ADAMTS12: variants seen among roughly 807,000 people sequenced by gnomAD.
The protein encoded by ADAMTS12 is ADAM metallopeptidase with thrombospondin type 1 motif 12.
Under a neutral mutation model 167.8 loss-of-function variants are expected in ADAMTS12, and 118 were observed. The ratio of observed to expected loss-of-function variants is 0.70; its 90% confidence interval spans 0.61 to 0.82. The LOEUF (loss-of-function observed/expected upper bound fraction) is 0.82. Among genes scored for constraint, ADAMTS12 ranks in the 40% least tolerant of loss-of-function variants. The pLI, the probability that ADAMTS12 is intolerant of heterozygous loss-of-function variation, is 0.00. For synonymous variants in ADAMTS12, 704 were observed against 716.9 expected (o/e 0.98, Z 0.29); for missense variants, 1,916 against 1,998.8 (o/e 0.96, Z 0.79).
intron 17 of ADAMTS12, among the ~76,000 whole-genome samples, chr5:33,589,756 C>T (rs1747545639): frequency 6.6e-6 from 1 of 152,162 alleles, no homozygotes; most frequent in African/African-American, 2.4e-5. Context: ...GAAAATAGTA[C>T]ACTGGGGGAA....
At chr5:33,561,227 C>T (rs1745737774) in intron 19 of ADAMTS12, 48 bp from the exon 20 acceptor site, 12 of 1,592,552 alleles carry the variant, frequency 7.5e-6, no homozygotes, top group Non-Finnish European at 9.4e-6. Flanking sequence ...GTCACCTTCT[C>T]ACACATGCCC....
chr5:33,891,905 C>T lies in ADAMTS12; in HGVS notation c.-49G>A. 1 of 1,596,228 alleles carries T rather than the reference C, an allele frequency of 6.3e-7. No homozygotes were observed. Among genetic ancestry groups the T allele is most frequent in the Non-Finnish European group, 8.5e-7 (1 of 1,171,910 alleles). ...AAGTCAAAAAAGTTTTAGCCCTCAG[C>T]TCCAGAAATAAAGCGCTCGCCTGTG... On this transcript the variant is annotated 5_prime_UTR_variant, in exon 1 of 24. Coordinates refer to ENST00000504830, the MANE Select transcript of ADAMTS12 (RefSeq NM_030955.4).
chr5:33,743,538 A>C (rs775594709), intron 3 of ADAMTS12, among the ~76,000 whole-genome samples: 16 of 152,078 alleles, frequency 1.1e-4, no homozygotes, highest in Non-Finnish European at 2.1e-4. Context: ...CTCTCTACCC[A>C]AGAGCTCTCT....
chr5:33,542,382 A>C (rs1347932935), intron 22 of ADAMTS12, among the ~76,000 whole-genome samples: 1 of 152,200 alleles, frequency 6.6e-6, no homozygotes, highest in African/African-American at 2.4e-5. Flanking sequence ...AGAGACCTAC[A>C]AAGAGACTTA....
intron 2 of ADAMTS12, among the ~76,000 whole-genome samples, chr5:33,839,201 T>C (rs899007747): frequency 6.6e-6 from 1 of 152,234 alleles, no homozygotes; most frequent in Non-Finnish European, 1.5e-5. Flanking sequence ...CTTAACATGT[T>C]TGTGCCTCAG....
At position 33,576,553 on chromosome 5, in the gene ADAMTS12, C is replaced by T; in HGVS notation, c.3473G>A (p.Gly1158Asp). 6.2e-7 allele frequency: 1 copy of T among 1,613,970 alleles called. No individual in the cohort carries two copies. Among genetic ancestry groups the T allele is most frequent in the South Asian group, 1.1e-5 (1 of 91,024 alleles). The change falls in exon 19 of 24, where the codon GGC becomes GAC. Residue 1158 changes from glycine to aspartate, a missense_variant. Transcript: ENST00000504830. ...TKGPEMEIHS[G>D]SGEEREQPED... Reference sequence around the variant, plus strand: ...AGGCTGTTCTCTTTCTTCCCCTGAGCCACTGTGAATCTCCATTTCTGGACC... The same window carrying T: ...AGGCTGTTCTCTTTCTTCCCCTGAGTCACTGTGAATCTCCATTTCTGGACC...
intron 2 of ADAMTS12, among the ~76,000 whole-genome samples, chr5:33,757,834 C>A (rs720797): frequency 1.3e-5 from 2 of 152,082 alleles, no homozygotes; most frequent in Admixed American, 6.5e-5. Flanking sequence ...AGACACTATA[C>A]GTAAAATGTC....
chr5:33,855,789 T>C (rs1161278446), intron 2 of ADAMTS12, among the ~76,000 whole-genome samples: 1 of 152,186 alleles, frequency 6.6e-6, no homozygotes, highest in Non-Finnish European at 1.5e-5. Context: ...AGTGGCATGA[T>C]CACAGCTCAT....
At chr5:33,856,204 T>C (rs1175269366) in intron 2 of ADAMTS12, among the ~76,000 whole-genome samples, 1 of 152,160 alleles carries the variant, frequency 6.6e-6, no homozygotes, top group East Asian at 1.9e-4. Flanking sequence ...TGTAGCTCAG[T>C]GGAAAAGGAT....
intron 2 of ADAMTS12, among the ~76,000 whole-genome samples, chr5:33,844,713 C>T (rs1397550392): frequency 6.6e-6 from 1 of 152,172 alleles, no homozygotes; most frequent in Admixed American, 6.5e-5. Context: ...CCTTGTGAAG[C>T]ACGTGATCTC....
chr5:33,720,832 C>T (rs1743782025), intron 3 of ADAMTS12, among the ~76,000 whole-genome samples: 1 of 152,098 alleles, frequency 6.6e-6, no homozygotes, highest in Non-Finnish European at 1.5e-5. Flanking sequence ...CCCTGCAATT[C>T]CACTCTTAGG....
Position 33,569,756 on chromosome 5 carries a change from G to C in ADAMTS12, c.3972+6298C>G, listed in dbSNP as rs541863707. On this transcript the variant is annotated intron_variant, in intron 19 of 23. Coordinates refer to ENST00000504830, the MANE Select transcript of ADAMTS12 (RefSeq NM_030955.4). ...ACAAAGCTGGATGGAGAATGATTTT[G>C]ATGAGTTGAGAGAAGAAGGCTTCAG... Among the ~76,000 whole-genome samples the C allele has an allele frequency of 3.3e-5, 5 of 152,380 alleles. No individual in the cohort carries two copies. In the East Asian group the frequency reaches 9.6e-4, roughly 29 times the overall value.
chr5:33,649,813 G>A, intron 7 of ADAMTS12, 116 bp from the exon 8 acceptor site: 7 of 1,312,244 alleles, frequency 5.3e-6, no homozygotes, highest in Non-Finnish European at 7.2e-6. Context: ...TGTACAGAAG[G>A]CAACTGTTTG....
At chr5:33,654,852 G>C (rs1182049795) in intron 7 of ADAMTS12, among the ~76,000 whole-genome samples, 2 of 150,462 alleles carry the variant, frequency 1.3e-5, no homozygotes, top group Admixed American at 6.7e-5. Context: ...TGGATAGAGA[G>C]AACAGGCGTA....
At chr5:33,772,614 C>G (rs886129660) in intron 2 of ADAMTS12, among the ~76,000 whole-genome samples, 1 of 152,178 alleles carries the variant, frequency 6.6e-6, no homozygotes, top group East Asian at 1.9e-4. Flanking sequence ...CAAATGAAAA[C>G]TGAGATACTT....
At chr5:33,658,100 T>A in intron 7 of ADAMTS12, 84 bp downstream of exon 7, 1 of 1,532,216 alleles carries the variant, frequency 6.5e-7, no homozygotes, top group Non-Finnish European at 8.9e-7. Flanking sequence ...GACCCCCAAT[T>A]TGAGGTGTGT....
intron 2 of ADAMTS12, among the ~76,000 whole-genome samples, chr5:33,799,487 G>A (rs1304463329): frequency 1.3e-5 from 2 of 152,144 alleles, no homozygotes; most frequent in East Asian, 3.9e-4. Context: ...TGGAGTGCAA[G>A]TTCTTTCCAT....
chr5:33,680,922 T>G (rs1386069353), intron 5 of ADAMTS12, among the ~76,000 whole-genome samples: 1 of 152,220 alleles, frequency 6.6e-6, no homozygotes, highest in Non-Finnish European at 1.5e-5. Context: ...CTGCTGGACA[T>G]AAATCATTTT....
chr5:33,806,170 A>C lies in ADAMTS12; in HGVS notation c.490-54622T>G, dbSNP rs574803921. Among the ~76,000 whole-genome samples the C allele has an allele frequency of 6.6e-5, 10 of 152,336 alleles. No homozygotes were observed. The East Asian group carries it at 1.2e-3, about 18-fold the overall frequency. On this transcript the variant is annotated intron_variant, in intron 2 of 23. Transcript: ENST00000504830. ...CTCATTAGTTATATAGGTCATATGT[A>C]CCTTGAAGGAATGTTGTAAGCATTT...
Sources: gnomAD v4.1 joint callset for allele counts (sites outside exome capture counted in the v4.1 genomes callset) on GRCh38, gnomAD v4.1.1 for gene constraint, MANE v1.5 for transcripts, NCBI Gene and HGNC (gene_info 2026-07-23, HGNC 2026-07-21) for gene names.